Variants in RTN1 observed in about 807,000 individuals in gnomAD.
RTN1 encodes the protein reticulon-1.
In RTN1, 25 loss-of-function variants were observed where a neutral mutation model predicts 65.5. The ratio of observed to expected loss-of-function variants is 0.38; its 90% CI spans 0.28 to 0.53. RTN1 has a LOEUF of 0.53. Among genes scored for constraint, RTN1 ranks in the 20% least tolerant of loss-of-function variants. The pLI is 0.79. For synonymous variants in RTN1, 471 were observed against 447.6 expected, an observed-to-expected ratio of 1.05 and a Z score of -0.66; for missense variants, 983 against 1,025.4, an observed-to-expected ratio of 0.96 and a Z score of 0.57.
chr14:59,639,381 T>C (rs901663143), intron 3 of RTN1, among the ~76,000 whole-genome samples: 2 of 152,228 alleles, frequency 1.3e-5, no homozygotes, highest in African/African-American at 2.4e-5. Context: ...ACTTACTCAA[T>C]GCAGGTTTGC....
At chr14:59,688,374 A>AC (rs1352870169) in intron 3 of RTN1, among the ~76,000 whole-genome samples, 1 of 152,232 alleles carries the variant, frequency 6.6e-6, no homozygotes, top group Non-Finnish European at 1.5e-5. Flanking sequence ...ACCTCTGGGT[A>AC]CGTGGTGGCT....
chr14:59,831,737 T>C (rs1336184449), intron 1 of RTN1, among the ~76,000 whole-genome samples: 1 of 152,086 alleles, frequency 6.6e-6, no homozygotes, highest in Non-Finnish European at 1.5e-5. Flanking sequence ...GCAGGACATA[T>C]ATATATATTC....
intron 1 of RTN1, among the ~76,000 whole-genome samples, chr14:59,750,310 TATAATATCTATAATATATA>T: frequency 1.7e-5 from 1 of 59,756 alleles, no homozygotes; most frequent in African/African-American, 6.7e-5. Context: ...ATATATAATA[TATAATATCTATAATATATA>T]ATATATTATA....
chr14:59,684,334 T>C (rs1034475555), intron 3 of RTN1, among the ~76,000 whole-genome samples: 9 of 152,212 alleles, frequency 5.9e-5, no homozygotes, highest in Non-Finnish European at 1.3e-4. Context: ...ACATTACTTT[T>C]ACTGCCAAGA....
intron 1 of RTN1, among the ~76,000 whole-genome samples, chr14:59,851,129 G>T (rs574669562): frequency 6.6e-6 from 1 of 152,288 alleles, no homozygotes; most frequent in East Asian, 1.9e-4. Context: ...TGCTTCCAAA[G>T]ATTCATATTG....
intron 3 of RTN1, among the ~76,000 whole-genome samples, chr14:59,696,593 C>A (rs913956665): frequency 6.6e-5 from 10 of 151,918 alleles, no homozygotes; most frequent in African/African-American, 2.4e-4. Flanking sequence ...GCAGGGCTGG[C>A]AGGCTGGGGG....
At chr14:59,823,872 C>T (rs143501094) in intron 1 of RTN1, among the ~76,000 whole-genome samples, 5 of 152,310 alleles carry the variant, frequency 3.3e-5, no homozygotes, top group African/African-American at 9.6e-5. Flanking sequence ...AAGTTGCTTG[C>T]TCTCTCTCCA....
chr14:59,803,661 T>C lies in RTN1; in HGVS notation c.242-57180A>G, dbSNP rs569834444. Among the ~76,000 whole-genome samples the C allele has an allele frequency of 6.6e-6, 1 of 152,192 alleles. No individual in the cohort carries two copies. The highest frequency in any genetic ancestry group is 1.9e-4 in the East Asian group (1 of 5,200). ...GACCCACTTCTATTCATCATCCAGC[T>C]CTTTCTGCCTGGATACGTTACACTT... On this transcript the variant is annotated intron_variant, in intron 1 of 8. Transcript: ENST00000267484. The surrounding 1 kb of genome is among the most constrained non-coding windows in gnomAD (Gnocchi z 5.6).
intron 1 of RTN1, among the ~76,000 whole-genome samples, chr14:59,809,875 A>G (rs1419061823): frequency 6.6e-6 from 1 of 152,190 alleles, no homozygotes; most frequent in African/African-American, 2.4e-5. Flanking sequence ...ATTTAAAAAA[A>G]TTGGTCTCTG....
intron 3 of RTN1, among the ~76,000 whole-genome samples, chr14:59,615,453 A>C (rs370459285): frequency 6.1e-4 from 93 of 152,330 alleles, no homozygotes; most frequent in Admixed American, 1.1e-3. Context: ...CCATCTAAAA[A>C]AAAACAAAAC....
chr14:59,857,887 A>G (rs1252834186), intron 1 of RTN1, among the ~76,000 whole-genome samples: 3 of 152,176 alleles, frequency 2.0e-5, no homozygotes, highest in Admixed American at 2.0e-4. Context: ...CTATGAAACT[A>G]GGCTCATCAT....
chr14:59,817,450 C>T (rs1256852158), intron 1 of RTN1, among the ~76,000 whole-genome samples: 1 of 152,170 alleles, frequency 6.6e-6, no homozygotes, highest in Non-Finnish European at 1.5e-5. Flanking sequence ...AACAGCCCTG[C>T]AGTCCATGAT....
At chr14:59,607,229 G>T (rs1160406643) in intron 4 of RTN1, 56 bp downstream of exon 4, 1 of 1,499,508 alleles carries the variant, frequency 6.7e-7, no homozygotes. Context: ...CTGAAATACA[G>T]GTGAGGGTAA....
chr14:59,734,840 C>A (rs1209731750), intron 2 of RTN1, among the ~76,000 whole-genome samples: 1 of 152,078 alleles, frequency 6.6e-6, no homozygotes, highest in African/African-American at 2.4e-5. Flanking sequence ...AAAACTTCCC[C>A]AACCTAGTAA....
intron 1 of RTN1, among the ~76,000 whole-genome samples, chr14:59,751,108 A>T (rs1885511030): frequency 1.3e-5 from 2 of 150,500 alleles, no homozygotes; most frequent in South Asian, 4.2e-4. Context: ...ATTGCTAACG[A>T]TACTTCATTT....
intron 1 of RTN1, among the ~76,000 whole-genome samples, chr14:59,810,304 G>T (rs1886705875): frequency 6.6e-6 from 1 of 152,164 alleles, no homozygotes; most frequent in Non-Finnish European, 1.5e-5. Context: ...TAAGCTTAGG[G>T]TTCCTTGGCT....
intron 1 of RTN1, among the ~76,000 whole-genome samples, chr14:59,749,587 T>TTA (rs1173360459): frequency 1.1e-4 from 4 of 36,432 alleles, no homozygotes; most frequent in South Asian, 7.4e-4. Context: ...ATATAGATAT[T>TTA]TATATATATA....
chr14:59,745,865 C>T lies in RTN1; in HGVS notation c.858G>A (p.Thr286=), dbSNP rs1206464417. Residue 286 remains threonine, a synonymous_variant, in exon 2 of 9, where the codon ACG becomes ACA. Coordinates refer to ENST00000267484, the MANE Select transcript of RTN1 (RefSeq NM_021136.3). The stretch of plus-strand genomic sequence containing the variant: ...TGGTTTCAACAGAAGGTTCTATTTC[C>T]GTCAGTGTGATTTTGACAGGGGTGG... ...QITTPVKITL[T]EIEPSVETTT... is the part of the protein sequence containing the mutation. 19 of 1,613,928 alleles carry T rather than the reference C, an allele frequency of 1.2e-5. No individual in the cohort carries two copies. The highest frequency in any genetic ancestry group is 2.7e-5 in the African/African-American group (2 of 74,866).
At chr14:59,783,733 T>G (rs991341717) in intron 1 of RTN1, among the ~76,000 whole-genome samples, 1 of 152,106 alleles carries the variant, frequency 6.6e-6, no homozygotes, top group Non-Finnish European at 1.5e-5. Flanking sequence ...AGCACAGGGG[T>G]ATCAGACACT....
Sources: gnomAD v4.1 joint callset for allele counts (sites outside exome capture counted in the v4.1 genomes callset) on GRCh38, gnomAD v4.1.1 for gene constraint, Gnocchi (gnomAD v3.1) non-coding constraint, MANE v1.5 for transcripts, NCBI Gene and HGNC (gene_info 2026-07-23, HGNC 2026-07-21) for gene names.